The following ULK2 variants were observed in gnomAD, a reference collection of about 807,000 sequenced individuals.
ULK2 encodes unc-51 like autophagy activating kinase 2.
ULK2 carries 76 observed loss-of-function variants against 127.5 expected under a neutral mutation model. The ratio of observed to expected loss-of-function variants is 0.60; its 90% CI spans 0.50 to 0.72. ULK2 has a LOEUF of 0.72. Among genes scored for constraint, ULK2 ranks in the 30% least tolerant of loss-of-function variants. The pLI, the probability that ULK2 is intolerant of heterozygous loss-of-function variation, is 0.00. For missense variants in ULK2, 1,144 were observed against 1,295.9 expected (o/e 0.88, Z 1.80); for synonymous variants, 452 against 461.9 (o/e 0.98, Z 0.28).
Position 19,867,449 on chromosome 17 carries a change from C to CGGGCGGCGCA in ULK2, c.-42_-33dup. On this transcript the variant is annotated 5_prime_UTR_variant, in exon 1 of 27. Transcript: ENST00000395544. ...GCCCCCGGGGCACACAGCGGACGGG[C>CGGGCGGCGCA]GGGCGGCGCAGTGCGGCGCAGGTAT... The CGGGCGGCGCA allele has an allele frequency of 6.4e-7, 1 of 1,573,556 alleles. No individual in the cohort carries two copies. The highest frequency in any genetic ancestry group is 8.6e-7 in the Non-Finnish European group (1 of 1,160,572).
chr17:19,860,493 G>A (rs2042217706), intron 3 of ULK2, among the ~76,000 whole-genome samples: 1 of 150,434 alleles, frequency 6.6e-6, no homozygotes, highest in Non-Finnish European at 1.5e-5. Context: ...CTATTTAATA[G>A]CCAAATACTT....
intron 22 of ULK2, among the ~76,000 whole-genome samples, chr17:19,782,585 G>C (rs917704000): frequency 6.6e-6 from 1 of 152,148 alleles, no homozygotes; most frequent in African/African-American, 2.4e-5. Flanking sequence ...GGGAGTGTGG[G>C]TAGACATAAC....
At chr17:19,824,544 A>G (rs571068979) in intron 12 of ULK2, among the ~76,000 whole-genome samples, 13 of 151,274 alleles carry the variant, frequency 8.6e-5, no homozygotes, top group Non-Finnish European at 1.3e-4. Context: ...AGGAAGAAGT[A>G]CTGAGATGGG....
At chr17:19,828,877 T>C (rs1385896804) in intron 10 of ULK2, among the ~76,000 whole-genome samples, 1 of 152,086 alleles carries the variant, frequency 6.6e-6, no homozygotes, top group East Asian at 1.9e-4. Flanking sequence ...TCTCTTAAGC[T>C]CAGGAATTCA....
chr17:19,850,998 C>G (rs528900976), intron 3 of ULK2, among the ~76,000 whole-genome samples: 7 of 151,654 alleles, frequency 4.6e-5, no homozygotes, highest in African/African-American at 1.7e-4. Flanking sequence ...AGGCAACACA[C>G]GGAGAATTCA....
chr17:19,788,895 C>T (rs1036473016), intron 20 of ULK2, among the ~76,000 whole-genome samples: 2 of 152,160 alleles, frequency 1.3e-5, no homozygotes, highest in Non-Finnish European at 2.9e-5. Context: ...CTTTGTCTTG[C>T]GGTTTGAGTG....
At chr17:19,839,208 G>A (rs1211834569) in intron 9 of ULK2, among the ~76,000 whole-genome samples, 1 of 152,020 alleles carries the variant, frequency 6.6e-6, no homozygotes, top group Non-Finnish European at 1.5e-5. Context: ...TTGTTATAAT[G>A]TTCTCTATTA....
rs1345163249 is a variant in ULK2 at position 19,825,187 on chromosome 17, G to A, written c.836-5C>T. On this transcript the variant is annotated splice_region_variant and splice_polypyrimidine_tract_variant and intron_variant, in intron 11 of 26. Transcript: ENST00000395544. ...TGGGCACTGGAACTGGGCAAGCTAG[G>A]GGAAGAAACACAAATGAACTACATC... 2.5e-6 allele frequency: 4 copies of A among 1,613,624 alleles called. No individual in the cohort carries two copies. The highest frequency in any genetic ancestry group is 2.2e-5 in the South Asian group (2 of 90,978).
At chr17:19,784,031 AC>A (rs2086976153) in intron 21 of ULK2, 126 bp from the exon 22 acceptor site, 1 of 688,036 alleles carries the variant, frequency 1.5e-6, no homozygotes, top group Non-Finnish European at 2.1e-6. Flanking sequence ...AAACTCACTG[AC>A]CCCCTATGTA....
intron 8 of ULK2, 77 bp downstream of exon 8, chr17:19,843,041 ATTC>A: frequency 8.4e-7 from 1 of 1,188,122 alleles, no homozygotes. Context: ...CTTTCAAAGT[ATTC>A]TTCATTTTAC....
Position 19,775,002 on chromosome 17 carries a change from G to C in ULK2, c.*1347C>G, listed in dbSNP as rs567257389. The C allele has an allele frequency of 9.8e-5, 15 of 152,720 alleles. No homozygotes were observed. The South Asian group carries it at 3.1e-3, about 32-fold the overall frequency. The allele number at this position is 152,720 out of a possible 1,614,324, so 9.5% of individuals were successfully genotyped here. A position where few individuals can be genotyped will look rare whatever the true frequency, so the allele number is the denominator to read the frequency against. On this transcript the variant is annotated 3_prime_UTR_variant, in exon 27 of 27. Coordinates refer to ENST00000395544, the MANE Select transcript of ULK2 (RefSeq NM_014683.4). ...CTTTGTCAAAGTAAAGGAAAACCAT[G>C]TTTGTTTTTATCAGTACATTAAAAT... is the stretch of plus-strand genomic sequence containing the variant.
Position 19,783,730 on chromosome 17 carries a change from T to A in ULK2, c.2427A>T (p.Glu809Asp), listed in dbSNP as rs144070144. 2 of 1,588,162 alleles carry A rather than the reference T, an allele frequency of 1.3e-6. No homozygotes were observed. The highest frequency in any genetic ancestry group is 1.7e-6 in the Non-Finnish European group (2 of 1,166,432). The change falls in exon 22 of 27, where the codon GAA becomes GAT. Residue 809 changes from glutamate to aspartate, a missense_variant. Transcript: ENST00000395544. ...GCGTCTCCTCCGGCAGTTCAGGGGC[T>A]TCAAAGGTGATGAGCCCCTCTAGGC... Reference protein sequence around the residue: ...PPSLEGLITFEAPELPEETLM... With the variant: ...PPSLEGLITFDAPELPEETLM...
intron 11 of ULK2, 139 bp downstream of exon 11, chr17:19,826,000 A>AT (rs56299627): frequency 0.25 from 41,810 of 164,748 alleles, 4,725 homozygotes; most frequent in Admixed American, 0.33. Context: ...AAAAAAAAAA[A>AT]AAAATAAATA....
intron 10 of ULK2, among the ~76,000 whole-genome samples, chr17:19,827,459 A>C (rs1880580003): frequency 1.3e-5 from 2 of 152,224 alleles, no homozygotes; most frequent in African/African-American, 4.8e-5. Context: ...TATTTCCACA[A>C]ATCTCTGTTA....
Position 19,838,448 on chromosome 17 carries a change from G to A in ULK2, c.787+53C>T, listed in dbSNP as rs113596167. 6.0e-3 allele frequency: 8,705 copies of A among 1,450,682 alleles called. 395 individuals are homozygous for A. In the African/African-American group the frequency reaches 0.11, roughly 18 times the overall value. 89.9% of individuals were successfully genotyped at this position (1,450,682 alleles called of 1,614,324 possible). ...AAATCTCTAGTTTTTAAATCTTTCG[G>A]CATATATAACAATAAAATTAGAAAA... On this transcript the variant is annotated intron_variant, in intron 10 of 26. Coordinates refer to ENST00000395544, the MANE Select transcript of ULK2 (RefSeq NM_014683.4).
chr17:19,810,560 T>C (rs2087616186), intron 13 of ULK2, 122 bp from the exon 14 acceptor site: 5 of 595,422 alleles, frequency 8.4e-6, no homozygotes, highest in South Asian at 2.8e-5. Context: ...GCTTATGTTA[T>C]GATTTCATGT....
At chr17:19,796,782 T>G (rs2087281793) in intron 18 of ULK2, among the ~76,000 whole-genome samples, 1 of 152,190 alleles carries the variant, frequency 6.6e-6, no homozygotes, top group South Asian at 2.1e-4. Context: ...CATTACTTGG[T>G]CAGGGTCTGC....
intron 22 of ULK2, 122 bp from the exon 23 acceptor site, chr17:19,782,189 A>G: frequency 1.8e-6 from 2 of 1,088,228 alleles, no homozygotes; most frequent in Non-Finnish European, 2.6e-6. Context: ...GAATGACAAA[A>G]GGAGATTGAA....
intron 20 of ULK2, 70 bp downstream of exon 20, chr17:19,795,552 C>A: frequency 1.6e-6 from 2 of 1,256,202 alleles, no homozygotes; most frequent in South Asian, 2.4e-5. Flanking sequence ...TGATTTGTTA[C>A]AACAGCAGTA....
Sources: allele counts gnomAD v4.1 joint callset (sites outside exome capture counted in the v4.1 genomes callset), GRCh38; gene constraint gnomAD v4.1.1; transcripts MANE v1.5; gene names NCBI Gene and HGNC (gene_info 2026-07-23, HGNC 2026-07-21).